The following ASPRV1 variants were observed in gnomAD, a reference collection of about 807,000 sequenced individuals.
ASPRV1 encodes retroviral-like aspartic protease 1.
Under a neutral mutation model 11.0 loss-of-function variants are expected in ASPRV1, and 7 were observed. The observed-to-expected ratio is 0.64, with a 90% CI of 0.36 to 1.20. The LOEUF is 1.20. Ranked by LOEUF, ASPRV1 falls within the 50% of genes most tolerant of loss-of-function variation. ASPRV1 has a pLI of 0.02. For missense variants in ASPRV1, 299 were observed against 320.0 expected, an observed-to-expected ratio of 0.93 and a Z score of 0.50; for synonymous variants, 136 against 138.4, an observed-to-expected ratio of 0.98 and a Z score of 0.12.
the ASPRV1 span, among the ~76,000 whole-genome samples, chr2:70,032,842 C>T: frequency 1.3e-5 from 2 of 152,092 alleles, no homozygotes; most frequent in Non-Finnish European, 2.9e-5. Flanking sequence ...ACTCATAAGG[C>T]AGGAAGAGTA....
chr2:69,995,458 C>T, the ASPRV1 span: 1 of 151,926 alleles, frequency 6.6e-6, no homozygotes, highest in Non-Finnish European at 1.5e-5. Context: ...CTGCTTGGGA[C>T]AGGAGATATC....
At chr2:69,965,559 G>C (rs1279445835), upstream of ASPRV1, among the ~76,000 whole-genome samples, 1 of 152,186 alleles carries the variant, frequency 6.6e-6, no homozygotes, top group African/African-American at 2.4e-5. Context: ...GTTTGCTTCA[G>C]ATTGTTCCTG....
At chr2:70,072,896 T>TG in the ASPRV1 span, among the ~76,000 whole-genome samples, 1 of 70,336 alleles carries the variant, frequency 1.4e-5, no homozygotes, top group South Asian at 4.0e-4. Context: ...TATAAAAAAC[T>TG]AAAAAAAAAA....
chr2:69,951,356 G>A, the ASPRV1 span, among the ~76,000 whole-genome samples: 3 of 150,146 alleles, frequency 2.0e-5, no homozygotes, highest in African/African-American at 4.9e-5. Context: ...CCCGGGAGGC[G>A]GAGCTTGCAG....
chr2:70,015,045 T>C, the ASPRV1 span, among the ~76,000 whole-genome samples: 1 of 152,142 alleles, frequency 6.6e-6, no homozygotes, highest in Non-Finnish European at 1.5e-5. Flanking sequence ...ACATCACTAA[T>C]CATTAGAGAA....
the ASPRV1 span, among the ~76,000 whole-genome samples, chr2:70,003,839 T>C: frequency 6.6e-6 from 1 of 152,210 alleles, no homozygotes; most frequent in African/African-American, 2.4e-5. Flanking sequence ...GCTATTATCA[T>C]GGGAGTGGGT....
the ASPRV1 span, among the ~76,000 whole-genome samples, chr2:70,019,551 T>A: frequency 1.3e-5 from 2 of 152,180 alleles, no homozygotes; most frequent in African/African-American, 4.8e-5. Context: ...GAAAATGTGG[T>A]ACATATACAC....
chr2:70,055,047 A>G, the ASPRV1 span, among the ~76,000 whole-genome samples: 1 of 152,232 alleles, frequency 6.6e-6, no homozygotes, highest in Non-Finnish European at 1.5e-5. Context: ...TCACGCCTAT[A>G]ATCCCAGCAC....
At chr2:69,988,495 G>C in the ASPRV1 span, 1 of 309,360 alleles carries the variant, frequency 3.2e-6, no homozygotes, top group East Asian at 8.1e-5. Context: ...GTACAGCGGT[G>C]GTTGCAGGAG....
the ASPRV1 span, among the ~76,000 whole-genome samples, chr2:69,973,208 T>A: frequency 6.6e-6 from 1 of 152,244 alleles, no homozygotes; most frequent in Non-Finnish European, 1.5e-5. Context: ...TATGGCCAGT[T>A]GGGTCTTACA....
At chr2:70,063,514 G>A in the ASPRV1 span, among the ~76,000 whole-genome samples, 14 of 152,190 alleles carry the variant, frequency 9.2e-5, no homozygotes, top group Admixed American at 4.6e-4. Flanking sequence ...AGCCTGAAGA[G>A]AGCTCACTCC....
the ASPRV1 span, among the ~76,000 whole-genome samples, chr2:70,066,496 C>T: frequency 6.6e-6 from 1 of 152,072 alleles, no homozygotes; most frequent in African/African-American, 2.4e-5. Flanking sequence ...GCCTTGGCCT[C>T]CCTCCTAAAG....
upstream of ASPRV1, chr2:69,962,955 G>T: frequency 3.4e-6 from 1 of 293,746 alleles, no homozygotes; most frequent in Non-Finnish European, 6.9e-6. Flanking sequence ...TTAAGGATGG[G>T]AGAGGAGGAA....
At chr2:70,018,836 G>A in the ASPRV1 span, 6 of 152,170 alleles carry the variant, frequency 3.9e-5, no homozygotes, top group Non-Finnish European at 8.8e-5. Context: ...AAAGCATAGG[G>A]AAAAAGCTTC....
chr2:69,950,387 G>T, the ASPRV1 span, among the ~76,000 whole-genome samples: 1 of 152,164 alleles, frequency 6.6e-6, no homozygotes, highest in Non-Finnish European at 1.5e-5. Context: ...ATCTGTTTGA[G>T]AATACTACAC....
At chr2:69,975,845 T>C in the ASPRV1 span, 1 of 152,412 alleles carries the variant, frequency 6.6e-6, no homozygotes, top group African/African-American at 2.4e-5. Flanking sequence ...TTGCTTTGGC[T>C]GAACCAGGGA....
the ASPRV1 span, among the ~76,000 whole-genome samples, chr2:70,040,341 T>C: frequency 1.1e-4 from 17 of 152,312 alleles, 1 homozygote; most frequent in South Asian, 3.1e-3. Context: ...ACCACCGCAC[T>C]CTAGCCTGAG....
At chr2:70,054,588 A>C in the ASPRV1 span, among the ~76,000 whole-genome samples, 2 of 151,166 alleles carry the variant, frequency 1.3e-5, no homozygotes, top group African/African-American at 4.8e-5. Context: ...ATAAATAAAT[A>C]AATAAATAAA....
At chr2:70,014,054 G>A in the ASPRV1 span, among the ~76,000 whole-genome samples, 1 of 152,110 alleles carries the variant, frequency 6.6e-6, no homozygotes, top group Non-Finnish European at 1.5e-5. Flanking sequence ...AAAGTTATTT[G>A]GGGTTGTCTA....
Sources: gnomAD v4.1 joint callset for allele counts (sites outside exome capture counted in the v4.1 genomes callset) on GRCh38, gnomAD v4.1.1 for gene constraint, MANE v1.5 for transcripts, NCBI Gene and HGNC (gene_info 2026-07-23, HGNC 2026-07-21) for gene names.